Variants in TAF4 observed in about 807,000 individuals in gnomAD.
TAF4 encodes the protein TATA-box binding protein associated factor 4.
In TAF4, 9 loss-of-function variants were observed where a neutral mutation model predicts 90.3. The observed-to-expected ratio is 0.10, with a 90% CI of 0.06 to 0.17. TAF4 has a LOEUF of 0.17. Ranked by LOEUF, TAF4 falls within the 10% of genes least tolerant of loss-of-function variation. The probability of loss-of-function intolerance (pLI) is 1.00; values close to 1 mark genes in which losing one functional copy is unlikely to be tolerated. For synonymous variants in TAF4, 818 were observed against 638.9 expected (o/e 1.28, Z -4.23); for missense variants, 1,351 against 1,370.7 (o/e 0.99, Z 0.23).
intron 1 of TAF4, among the ~76,000 whole-genome samples, chr20:62,037,002 C>T (rs2055936111): frequency 6.6e-6 from 1 of 152,246 alleles, no homozygotes; most frequent in Non-Finnish European, 1.5e-5. Flanking sequence ...ACCAGCATGG[C>T]AATCTTGCAC....
At chr20:62,062,555 T>C (rs1482934207) in intron 1 of TAF4, among the ~76,000 whole-genome samples, 1 of 152,236 alleles carries the variant, frequency 6.6e-6, no homozygotes, top group Admixed American at 6.5e-5. Flanking sequence ...CTCTCAGCAC[T>C]GCCACCCAAA....
At chr20:62,063,954 G>A (rs533740659) in intron 1 of TAF4, among the ~76,000 whole-genome samples, 1 of 152,366 alleles carries the variant, frequency 6.6e-6, no homozygotes, top group East Asian at 1.9e-4. Context: ...CTCGAGCCCA[G>A]GGTCACCAAG....
intron 1 of TAF4, among the ~76,000 whole-genome samples, chr20:62,050,229 T>TC (rs1300507272): frequency 1.3e-5 from 2 of 151,940 alleles, no homozygotes; most frequent in East Asian, 3.9e-4. Flanking sequence ...GAAGGGCTCC[T>TC]CCCCCACATG....
chr20:61,984,406 C>T (rs1568921621), intron 14 of TAF4, among the ~76,000 whole-genome samples: 1 of 152,258 alleles, frequency 6.6e-6, no homozygotes, highest in Admixed American at 6.5e-5. Context: ...TCAGCCCCAA[C>T]AGCAGGCCTC....
chr20:61,998,959 C>T (rs747184910), intron 12 of TAF4, 24 bp downstream of exon 12: 1 of 1,610,404 alleles, frequency 6.2e-7, no homozygotes, highest in Non-Finnish European at 8.5e-7. Flanking sequence ...GCCCAGACGG[C>T]AGCAGCAGAC....
chr20:62,009,805 G>A (rs1432341189), intron 4 of TAF4, among the ~76,000 whole-genome samples: 1 of 152,234 alleles, frequency 6.6e-6, no homozygotes, highest in Non-Finnish European at 1.5e-5. Flanking sequence ...CTTTTTCAAA[G>A]GCAGGTGTTT....
chr20:62,004,330 T>TTTTC (rs1568929101), intron 7 of TAF4, among the ~76,000 whole-genome samples: 1 of 134,112 alleles, frequency 7.5e-6, no homozygotes, highest in East Asian at 2.1e-4. Context: ...TTTCTTTTCT[T>TTTTC]TTTTTTTTTT....
At chr20:62,054,776 G>C (rs1020589800) in intron 1 of TAF4, among the ~76,000 whole-genome samples, 12 of 152,152 alleles carry the variant, frequency 7.9e-5, no homozygotes, top group African/African-American at 2.6e-4. Flanking sequence ...GGCTCTTCTA[G>C]TCTACTCTAC....
chr20:62,013,621 G>A (rs987002946), intron 2 of TAF4, among the ~76,000 whole-genome samples: 1 of 152,278 alleles, frequency 6.6e-6, no homozygotes, highest in Non-Finnish European at 1.5e-5. Flanking sequence ...CACAACTCCA[G>A]AGGGTACGCA....
intron 1 of TAF4, among the ~76,000 whole-genome samples, chr20:62,031,409 T>C (rs1464352584): frequency 6.6e-6 from 1 of 152,258 alleles, no homozygotes; most frequent in Admixed American, 6.5e-5. Flanking sequence ...GGATAAAGCA[T>C]ATTCATCTGC....
At chr20:62,015,483 A>C (rs2055807194) in intron 1 of TAF4, among the ~76,000 whole-genome samples, 1 of 152,186 alleles carries the variant, frequency 6.6e-6, no homozygotes, top group Admixed American at 6.5e-5. Flanking sequence ...GTGGGGATGC[A>C]GCCGTGGGAG....
intron 1 of TAF4, among the ~76,000 whole-genome samples, chr20:62,019,900 G>A (rs1424509126): frequency 6.6e-6 from 1 of 152,224 alleles, no homozygotes; most frequent in African/African-American, 2.4e-5. Flanking sequence ...CACCTGTGGG[G>A]GAAATGCCTT....
chr20:62,048,282 C>T (rs1029904405), intron 1 of TAF4, among the ~76,000 whole-genome samples: 1 of 152,158 alleles, frequency 6.6e-6, no homozygotes, highest in African/African-American at 2.4e-5. Context: ...CAAGAGGCAG[C>T]CCAGCCCTGT....
intron 1 of TAF4, among the ~76,000 whole-genome samples, chr20:62,033,814 G>A (rs950898930): frequency 2.6e-5 from 4 of 151,716 alleles, no homozygotes; most frequent in African/African-American, 7.3e-5. Flanking sequence ...AGGCTAAGGC[G>A]GGTGGATCAC....
chr20:62,002,581 C>A (rs2055713506), intron 9 of TAF4, among the ~76,000 whole-genome samples: 2 of 152,208 alleles, frequency 1.3e-5, no homozygotes, highest in Non-Finnish European at 2.9e-5. Context: ...ACACTGAACT[C>A]CTGGGCAGAA....
Position 62,059,680 on chromosome 20 carries a change from G to A in TAF4, c.1360+4771C>T, listed in dbSNP as rs141880577. Among the ~76,000 whole-genome samples the A allele has an allele frequency of 2.5e-3, 388 of 152,326 alleles. 1 individual carries two copies. Among genetic ancestry groups the A allele is most frequent in the South Asian group, 0.015 (72 of 4,828 alleles). ...ACGCCCCCATCACGCTGCCTGAGCC[G>A]GGCACCACAGGTGAACACCCTAAAC... On this transcript the variant is annotated intron_variant, in intron 1 of 14. Coordinates refer to ENST00000252996, the MANE Select transcript of TAF4 (RefSeq NM_003185.4).
intron 4 of TAF4, 70 bp downstream of exon 4, chr20:62,009,976 A>G (rs1458610472): frequency 5.6e-6 from 9 of 1,600,314 alleles, no homozygotes; most frequent in Non-Finnish European, 7.7e-6. Flanking sequence ...CTGAGGTCTC[A>G]AGGCTGCATT....
At chr20:62,051,519 G>A (rs748529000) in intron 1 of TAF4, among the ~76,000 whole-genome samples, 3 of 152,088 alleles carry the variant, frequency 2.0e-5, no homozygotes, top group Admixed American at 1.3e-4. Flanking sequence ...CCTGCAGCAT[G>A]AGTCCCATCC....
chr20:61,999,559 T>A (rs2055685617), intron 11 of TAF4, among the ~76,000 whole-genome samples: 1 of 152,220 alleles, frequency 6.6e-6, no homozygotes, highest in Non-Finnish European at 1.5e-5. Context: ...AGGCACGTTT[T>A]ACTTGGAAGA....
Sources: gnomAD v4.1 joint callset for allele counts (sites outside exome capture counted in the v4.1 genomes callset) on GRCh38, gnomAD v4.1.1 for gene constraint, MANE v1.5 for transcripts, NCBI Gene and HGNC (gene_info 2026-07-23, HGNC 2026-07-21) for gene names.